The following ZNF516 variants were observed in gnomAD, a reference collection of about 807,000 sequenced individuals.
ZNF516 encodes the protein zinc finger protein 516.
ZNF516 carries 19 observed loss-of-function variants against 79.7 expected under a neutral mutation model. That is an observed-to-expected ratio of 0.24 (90% CI 0.17 to 0.35). The LOEUF (loss-of-function observed/expected upper bound fraction) is 0.35, where lower values mean the gene tolerates loss of function less well. ZNF516 is among the 10% of genes least tolerant of loss of function. The probability of loss-of-function intolerance (pLI) is 1.00; values close to 1 mark genes in which losing one functional copy is unlikely to be tolerated. For missense variants in ZNF516, 1,678 were observed against 1,679.5 expected (o/e 1.00, Z 0.02); for synonymous variants, 877 against 739.5 (o/e 1.19, Z -3.02).
intron 3 of ZNF516, among the ~76,000 whole-genome samples, chr18:76,422,817 C>T (rs2075525264): frequency 6.6e-6 from 1 of 152,088 alleles, no homozygotes; most frequent in African/African-American, 2.4e-5. Flanking sequence ...AAGAAATCTC[C>T]AATCGTAAAC....
At position 76,379,687 on chromosome 18, in the gene ZNF516, G is replaced by A. The variant is rs1241507637; in HGVS notation, c.2427C>T (p.Phe809=). Residue 809 remains phenylalanine, a synonymous_variant, in exon 4 of 7, where the codon TTC becomes TTT. Transcript: ENST00000443185. ...GYKSIRSNLV[F]LSRSGRTGPP... ...GGCCCGTGCGTCCGCTCCGGGAAAG[G>A]AAAACCAAATTGCTTCTGATGCTTT... 1 of 1,613,712 alleles carries A rather than the reference G, an allele frequency of 6.2e-7. No homozygotes were observed. The highest frequency in any genetic ancestry group is 1.1e-5 in the South Asian group (1 of 91,086).
chr18:76,496,306 C>G, upstream of ZNF516: 1 of 1,289,680 alleles, frequency 7.8e-7, no homozygotes, highest in Non-Finnish European at 1.0e-6. Flanking sequence ...TCTCCTTCTC[C>G]TCGTGATAAC....
chr18:76,416,957 T>G (rs1411680349), intron 3 of ZNF516, among the ~76,000 whole-genome samples: 2 of 152,196 alleles, frequency 1.3e-5, no homozygotes, highest in Non-Finnish European at 2.9e-5. Context: ...CAGAAATATT[T>G]AGCTGTTCTC....
At chr18:76,413,423 T>TTCAA (rs147793711) in intron 3 of ZNF516, among the ~76,000 whole-genome samples, 10 of 152,242 alleles carry the variant, frequency 6.6e-5, no homozygotes, top group Admixed American at 5.9e-4. Flanking sequence ...CAGACGTCTG[T>TTCAA]TCAATCAATC....
intron 3 of ZNF516, among the ~76,000 whole-genome samples, chr18:76,391,935 C>T (rs1158581526): frequency 7.0e-6 from 1 of 143,058 alleles, no homozygotes; most frequent in South Asian, 2.2e-4. Flanking sequence ...AGAGAGGCCA[C>T]GAGAGCAGGG....
In ZNF516 at chr18:76,431,875, T is replaced by A. The variant is rs143507938; in HGVS notation, c.1810+9370A>T. Among the ~76,000 whole-genome samples the A allele has an allele frequency of 1.6e-3, 242 of 152,290 alleles. 1 individual carries two copies. Among genetic ancestry groups the A allele is most frequent in the African/African-American group, 5.7e-3 (235 of 41,564 alleles). ...ACATTGCCCAAGTCTCGGGTATTCCTTTACAGAAACACAAGAATGGACTAA... is the reference window on the plus strand; with the variant it reads ...ACATTGCCCAAGTCTCGGGTATTCCATTACAGAAACACAAGAATGGACTAA... On this transcript the variant is annotated intron_variant, in intron 3 of 6. Transcript: ENST00000443185.
In ZNF516 at chr18:76,441,223, C is replaced by A. The variant is rs1411957073; in HGVS notation, c.1810+22G>T. The A allele has an allele frequency of 5.0e-6, 8 of 1,600,246 alleles. No individual in the cohort carries two copies. The East Asian group carries it at 9.0e-5, about 18-fold the overall frequency. On this transcript the variant is annotated intron_variant, in intron 3 of 6. Coordinates refer to ENST00000443185, the MANE Select transcript of ZNF516 (RefSeq NM_014643.4). ...TGAGCCTGGGATCCCAGGACCCAGGCCACCTGGGTACACTTGCTCACCTGG... is the reference window on the plus strand; with the variant it reads ...TGAGCCTGGGATCCCAGGACCCAGGACACCTGGGTACACTTGCTCACCTGG...
At chr18:76,432,799 G>A (rs1342616410) in intron 3 of ZNF516, among the ~76,000 whole-genome samples, 1 of 152,200 alleles carries the variant, frequency 6.6e-6, no homozygotes, top group Non-Finnish European at 1.5e-5. Flanking sequence ...AGGGTCACTC[G>A]ATGTTAGCAT....
At chr18:76,452,706 C>T (rs1205983607) in intron 2 of ZNF516, among the ~76,000 whole-genome samples, 2 of 152,168 alleles carry the variant, frequency 1.3e-5, no homozygotes, top group Non-Finnish European at 2.9e-5. Flanking sequence ...AAGACAGTAT[C>T]ACAATATATT....
intron 3 of ZNF516, among the ~76,000 whole-genome samples, chr18:76,406,555 CTCTG>C (rs1460454855): frequency 1.3e-5 from 2 of 152,104 alleles, no homozygotes; most frequent in South Asian, 2.1e-4. Context: ...CAGAGCGAGA[CTCTG>C]TCTAAAAAGA....
chr18:76,426,531 C>CTT (rs34904189), intron 3 of ZNF516, among the ~76,000 whole-genome samples: 4 of 151,578 alleles, frequency 2.6e-5, no homozygotes, highest in African/African-American at 7.3e-5. Flanking sequence ...CATACATAAA[C>CTT]TTTTTTTTTA....
rs144799797 is a variant in ZNF516, at chr18:76,489,428, A to C, written c.-272+5716T>G. On this transcript the variant is annotated intron_variant, in intron 1 of 6. Coordinates refer to ENST00000443185, the MANE Select transcript of ZNF516 (RefSeq NM_014643.4). ...CTTAATCACATCAAATGCTTCACTT[A>C]TAAAACTCAAATATCTCCTTGCAGG... is the stretch of plus-strand genomic sequence containing the variant. Among the ~76,000 whole-genome samples the C allele has an allele frequency of 2.6e-5, 4 of 152,304 alleles. No individual in the cohort carries two copies. The East Asian group carries it at 7.7e-4, about 29-fold the overall frequency.
intron 3 of ZNF516, among the ~76,000 whole-genome samples, chr18:76,423,451 AAC>A (rs148211700): frequency 0.034 from 5,153 of 152,152 alleles, 115 homozygotes; most frequent in Non-Finnish European, 0.05. Flanking sequence ...TTCCTCCTGA[AAC>A]ACACACATGC....
chr18:76,485,566 G>C (rs368461277), intron 1 of ZNF516, among the ~76,000 whole-genome samples: 3 of 152,148 alleles, frequency 2.0e-5, no homozygotes, highest in African/African-American at 4.8e-5. Flanking sequence ...CTGAGACAAC[G>C]AGAGAGAGGT....
intron 3 of ZNF516, chr18:76,389,371 G>A (rs1286916419): frequency 1.3e-5 from 2 of 152,118 alleles, no homozygotes; most frequent in Non-Finnish European, 2.9e-5. Flanking sequence ...AGAAATCAAT[G>A]AGAATGAGAT....
chr18:76,405,387 C>A (rs1287874051), intron 3 of ZNF516, among the ~76,000 whole-genome samples: 1 of 152,148 alleles, frequency 6.6e-6, no homozygotes, highest in African/African-American at 2.4e-5. Flanking sequence ...ACCAGTGCTA[C>A]CCGCATAGGA....
chr18:76,374,759 TA>T (rs1359632297), intron 4 of ZNF516, among the ~76,000 whole-genome samples: 1 of 152,156 alleles, frequency 6.6e-6, no homozygotes, highest in Non-Finnish European at 1.5e-5. Flanking sequence ...GCTACAGCAA[TA>T]GGGGTAATCA....
chr18:76,442,377 C>A lies in ZNF516; in HGVS notation c.678G>T (p.Ala226=), dbSNP rs780914837. ...LSHIERDHIT[A]QGPGSGEACV... ...AGGCCTCGCCGCTGCCGGGCCCCTG[C>A]GCGGTGATGTGGTCCCTCTCGATGT... Residue 226 remains alanine (A), a synonymous_variant, in exon 3 of 7, where the codon GCG becomes GCT. Coordinates refer to ENST00000443185, the MANE Select transcript of ZNF516 (RefSeq NM_014643.4). 6 of 1,609,014 alleles carry A rather than the reference C, an allele frequency of 3.7e-6. No individual in the cohort carries two copies. The highest frequency in any genetic ancestry group is 2.2e-5 in the South Asian group (2 of 91,024).
intron 3 of ZNF516, among the ~76,000 whole-genome samples, chr18:76,413,606 C>T (rs1356486707): frequency 6.6e-6 from 1 of 152,180 alleles, no homozygotes; most frequent in African/African-American, 2.4e-5. Context: ...TTCATCCCCT[C>T]GAATACCTCA....
Sources: gnomAD v4.1 joint callset for allele counts (sites outside exome capture counted in the v4.1 genomes callset) on GRCh38, gnomAD v4.1.1 for gene constraint, MANE v1.5 for transcripts, NCBI Gene and HGNC (gene_info 2026-07-23, HGNC 2026-07-21) for gene names.